Variants in PCDHGA2 observed in about 807,000 individuals in gnomAD.
PCDHGA2 encodes the protein protocadherin gamma subfamily A, 2, also known as protocadherin gamma-A2.
PCDHGA2 carries 40 observed loss-of-function variants against 59.2 expected under a neutral mutation model. The ratio of observed to expected loss-of-function variants is 0.68; its 90% CI spans 0.52 to 0.88. The LOEUF (loss-of-function observed/expected upper bound fraction) is 0.88, where lower values mean the gene tolerates loss of function less well. PCDHGA2 is among the 40% of genes least tolerant of loss of function. The pLI is 0.00. For missense variants in PCDHGA2, 1,226 were observed against 1,204.0 expected (o/e 1.02, Z -0.27); for synonymous variants, 560 against 526.0 (o/e 1.06, Z -0.89).
chr5:141,414,289 C>T (rs1435700383), intron 1 of PCDHGA2: 1 of 1,613,394 alleles, frequency 6.2e-7, no homozygotes, highest in African/African-American at 1.3e-5. Flanking sequence ...AGTCGTAGCC[C>T]TTTTAAATGT....
At chr5:141,368,499 G>C (rs1391228187) in intron 1 of PCDHGA2, among the ~76,000 whole-genome samples, 2 of 152,070 alleles carry the variant, frequency 1.3e-5, no homozygotes, top group African/African-American at 2.4e-5. Context: ...TATACAGTAG[G>C]TGTCGACATT....
At chr5:141,428,124 C>G in intron 1 of PCDHGA2, 2 of 1,605,400 alleles carry the variant, frequency 1.2e-6, no homozygotes, top group Non-Finnish European at 1.7e-6. Flanking sequence ...CGAGCCCGGG[C>G]TTTTCAGCCT....
At chr5:141,356,001 T>C in intron 1 of PCDHGA2, 6 of 1,613,942 alleles carry the variant, frequency 3.7e-6, no homozygotes, top group Non-Finnish European at 5.1e-6. Context: ...TAAAAGCCAC[T>C]GATCCAGATG....
intron 3 of PCDHGA2, among the ~76,000 whole-genome samples, chr5:141,508,772 C>T (rs1015277795): frequency 5.3e-5 from 8 of 152,070 alleles, no homozygotes; most frequent in African/African-American, 1.2e-4. Flanking sequence ...TGAGGTCCCC[C>T]CTCTAGCCCC....
chr5:141,375,470 G>A (rs1771485342), intron 1 of PCDHGA2: 1 of 1,613,784 alleles, frequency 6.2e-7, no homozygotes, highest in Admixed American at 1.7e-5. Flanking sequence ...CTATGTCCTT[G>A]AAAACAACCC....
At chr5:141,502,864 G>GTTTTTTTT in intron 2 of PCDHGA2, among the ~76,000 whole-genome samples, 3 of 61,566 alleles carry the variant, frequency 4.9e-5, no homozygotes, top group African/African-American at 2.4e-4. Context: ...CTGACTCTCT[G>GTTTTTTTT]TCTTTTTTTT....
chr5:141,476,336 C>G lies in PCDHGA2; in HGVS notation c.2425-18471C>G, dbSNP rs1228900349. The G allele has an allele frequency of 2.5e-6, 4 of 1,614,008 alleles. No individual in the cohort carries two copies. The highest frequency in any genetic ancestry group is 2.2e-5 in the East Asian group (1 of 44,854). ...GTTCCGGGTGGTGTCTGGAGCTAGC[C>G]GAAGATTCTTTGAGGTGAACCGGGA... On this transcript the variant is annotated intron_variant, in intron 1 of 3. Coordinates refer to ENST00000394576, the MANE Select transcript of PCDHGA2 (RefSeq NM_018915.4). The surrounding 1 kb of genome is among the most constrained non-coding windows in gnomAD (Gnocchi z 7.6).
intron 1 of PCDHGA2, chr5:141,362,455 T>C (rs1762512121): frequency 6.2e-7 from 1 of 1,614,010 alleles, no homozygotes; most frequent in Non-Finnish European, 8.5e-7. Flanking sequence ...AACCCCGGAA[T>C]TGGTTCCCGC....
At chr5:141,369,412 A>G (rs1250548281) in intron 1 of PCDHGA2, among the ~76,000 whole-genome samples, 1 of 152,168 alleles carries the variant, frequency 6.6e-6, no homozygotes, top group Non-Finnish European at 1.5e-5. Context: ...CATGACTATA[A>G]TCCCAGCAAT....
chr5:141,418,348 T>G (rs2096249125), intron 1 of PCDHGA2: 1 of 1,613,982 alleles, frequency 6.2e-7, no homozygotes, highest in African/African-American at 1.3e-5. Flanking sequence ...CTGATATTAG[T>G]ATGAATTCGC....
intron 1 of PCDHGA2, chr5:141,415,051 C>T: frequency 3.1e-6 from 5 of 1,613,458 alleles, no homozygotes; most frequent in South Asian, 1.1e-5. Flanking sequence ...GGTGGGGGAG[C>T]ACACGGGCGA....
chr5:141,352,503 A>T, intron 1 of PCDHGA2: 1 of 1,613,992 alleles, frequency 6.2e-7, no homozygotes, highest in South Asian at 1.1e-5. Context: ...CCCTATTCCT[A>T]CAATCTATGT....
intron 1 of PCDHGA2, chr5:141,364,368 T>A (rs1474327704): frequency 6.4e-7 from 1 of 1,565,420 alleles, no homozygotes; most frequent in African/African-American, 1.4e-5. Flanking sequence ...TGCGGAGAGC[T>A]GCTGCTGCCC....
intron 1 of PCDHGA2, chr5:141,375,703 G>A (rs776426026): frequency 3.7e-6 from 6 of 1,614,144 alleles, no homozygotes; most frequent in Admixed American, 1.7e-5. Context: ...GCGGGGACCC[G>A]CCTCTTAGCA....
At chr5:141,355,830 C>G (rs1245004655) in intron 1 of PCDHGA2, 7 of 1,612,458 alleles carry the variant, frequency 4.3e-6, no homozygotes, top group Non-Finnish European at 5.9e-6. Flanking sequence ...TTCACCACCT[C>G]GTTCTCACGG....
At chr5:141,404,530 A>C in intron 1 of PCDHGA2, 1 of 1,614,008 alleles carries the variant, frequency 6.2e-7, no homozygotes, top group Non-Finnish European at 8.5e-7. Flanking sequence ...AGCAGTTTAG[A>C]GATTTGCAAA....
At chr5:141,430,115 A>G (rs930805574) in intron 1 of PCDHGA2, among the ~76,000 whole-genome samples, 1 of 152,194 alleles carries the variant, frequency 6.6e-6, no homozygotes, top group Non-Finnish European at 1.5e-5. Context: ...CATGTCAACA[A>G]CCTGGTAAAG....
At chr5:141,346,661 T>C (rs1209345450) in intron 1 of PCDHGA2, 3 of 736,598 alleles carry the variant, frequency 4.1e-6, no homozygotes, top group South Asian at 2.0e-5. Flanking sequence ...AGGGAAAAAA[T>C]AATACATCGT....
chr5:141,438,682 A>G (rs1282726848), intron 1 of PCDHGA2, among the ~76,000 whole-genome samples: 13 of 140,730 alleles, frequency 9.2e-5, no homozygotes, highest in Admixed American at 6.6e-4. Flanking sequence ...GGAGTAGGGG[A>G]TGGAGTCTTG....
Sources: gnomAD v4.1 joint callset for allele counts (sites outside exome capture counted in the v4.1 genomes callset) on GRCh38, gnomAD v4.1.1 for gene constraint, Gnocchi (gnomAD v3.1) non-coding constraint, MANE v1.5 for transcripts, NCBI Gene and HGNC (gene_info 2026-07-23, HGNC 2026-07-21) for gene names.